The following ABCD3 variants were observed in gnomAD, a reference collection of about 807,000 sequenced individuals.
ABCD3 encodes ATP-binding cassette sub-family D member 3.
A neutral mutation model predicts 105.5 loss-of-function variants in ABCD3; 41 were observed. The observed-to-expected ratio is 0.39, with a 90% CI of 0.30 to 0.50. The LOEUF (loss-of-function observed/expected upper bound fraction) is 0.50. ABCD3 is among the 20% of genes least tolerant of loss of function. ABCD3 has a pLI of 0.84. For missense variants in ABCD3, 622 were observed against 806.3 expected, an observed-to-expected ratio of 0.77 and a Z score of 2.77; for synonymous variants, 258 against 269.0, an observed-to-expected ratio of 0.96 and a Z score of 0.40.
At chr1:94,476,504 G>A (rs996266086) in intron 7 of ABCD3, among the ~76,000 whole-genome samples, 99 of 152,284 alleles carry the variant, frequency 6.5e-4, no homozygotes, top group African/African-American at 2.2e-3. Context: ...TTCCCTTGGT[G>A]TTGGCTAGGA....
intron 10 of ABCD3, among the ~76,000 whole-genome samples, chr1:94,485,152 A>G (rs1387751243): frequency 1.3e-5 from 2 of 152,204 alleles, no homozygotes; most frequent in Admixed American, 6.5e-5. Flanking sequence ...GAATATAAGC[A>G]TTGTTTCTTG....
At chr1:94,429,507 G>T (rs61772847) in intron 1 of ABCD3, among the ~76,000 whole-genome samples, 54,845 of 151,972 alleles carry the variant, frequency 0.36, 11,443 homozygotes, top group Middle Eastern at 0.55. Context: ...TCCGTCCCAG[G>T]GTCCCTTTGC....
rs946063234 is a variant in ABCD3, at chr1:94,490,308, A to G, written c.1322+333A>G. Among the ~76,000 whole-genome samples, 23 of 151,960 alleles carry G rather than the reference A, an allele frequency of 1.5e-4. 1 individual carries two copies. The highest frequency in any genetic ancestry group is 5.3e-4 in the African/African-American group (22 of 41,404). On this transcript the variant is annotated intron_variant, in intron 15 of 22. Coordinates refer to ENST00000370214, the MANE Select transcript of ABCD3 (RefSeq NM_002858.4). Reference sequence around the variant, plus strand: ...TCAGGTATACAATATAGTATTTTCTACTATTGTCCCAGTACAGTGGATCTA... The same window carrying G: ...TCAGGTATACAATATAGTATTTTCTGCTATTGTCCCAGTACAGTGGATCTA...
chr1:94,434,888 G>C (rs986764934), intron 1 of ABCD3, among the ~76,000 whole-genome samples: 1 of 152,034 alleles, frequency 6.6e-6, no homozygotes, highest in Admixed American at 6.6e-5. Context: ...TTGCTATCCT[G>C]ACTTCTGTAT....
At chr1:94,465,513 T>C (rs1570779971) in intron 3 of ABCD3, among the ~76,000 whole-genome samples, 7 of 152,340 alleles carry the variant, frequency 4.6e-5, no homozygotes, top group African/African-American at 1.7e-4. Flanking sequence ...TGTGAAATGC[T>C]AGGGTACTGC....
chr1:94,458,921 C>A (rs924587896), intron 2 of ABCD3, among the ~76,000 whole-genome samples: 1 of 149,358 alleles, frequency 6.7e-6, no homozygotes, highest in African/African-American at 2.5e-5. Context: ...TCTTTTGTAT[C>A]GAGATATATC....
intron 20 of ABCD3, among the ~76,000 whole-genome samples, chr1:94,500,899 T>A (rs373248709): frequency 6.6e-6 from 1 of 152,110 alleles, no homozygotes; most frequent in Non-Finnish European, 1.5e-5. Context: ...TTTGAAATGA[T>A]TAGGCATTTC....
At chr1:94,423,894 A>G (rs1423838749) in intron 1 of ABCD3, among the ~76,000 whole-genome samples, 2 of 152,152 alleles carry the variant, frequency 1.3e-5, no homozygotes, top group Non-Finnish European at 2.9e-5. Context: ...TGCCCCATTC[A>G]AATCAAGCTC....
the ABCD3 span, among the ~76,000 whole-genome samples, chr1:94,391,745 C>A: frequency 6.6e-6 from 1 of 152,270 alleles, no homozygotes; most frequent in South Asian, 2.1e-4. Context: ...TTTTTACCTC[C>A]TTGAATCTTT....
intron 1 of ABCD3, among the ~76,000 whole-genome samples, chr1:94,439,607 GGC>G (rs1415426529): frequency 6.6e-6 from 1 of 151,966 alleles, no homozygotes; most frequent in Non-Finnish European, 1.5e-5. Flanking sequence ...CTCCAGCCTG[GGC>G]AACAGAGCGA....
At chr1:94,432,372 G>C (rs1659716024) in intron 1 of ABCD3, among the ~76,000 whole-genome samples, 1 of 152,186 alleles carries the variant, frequency 6.6e-6, no homozygotes, top group South Asian at 2.1e-4. Flanking sequence ...AGGGGTAAAA[G>C]GCATTCCAGG....
chr1:94,430,946 G>A (rs1280524550), intron 1 of ABCD3, among the ~76,000 whole-genome samples: 1 of 152,176 alleles, frequency 6.6e-6, no homozygotes, highest in East Asian at 1.9e-4. Context: ...TATCATTAGT[G>A]TCATATTTTA....
chr1:94,431,901 C>G (rs1306596063), intron 1 of ABCD3, among the ~76,000 whole-genome samples: 1 of 152,168 alleles, frequency 6.6e-6, no homozygotes, highest in Non-Finnish European at 1.5e-5. Context: ...TTTACCCCAT[C>G]AACAGTGCCC....
chr1:94,386,116 A>G, the ABCD3 span, among the ~76,000 whole-genome samples: 36 of 152,114 alleles, frequency 2.4e-4, no homozygotes, highest in Non-Finnish European at 4.6e-4. Flanking sequence ...GAAAAAAAGA[A>G]ATTTCCCACA....
chr1:94,399,765 G>C, the ABCD3 span, among the ~76,000 whole-genome samples: 1 of 152,188 alleles, frequency 6.6e-6, no homozygotes, highest in South Asian at 2.1e-4. Flanking sequence ...CTCAGATGCC[G>C]CAGTGCTGCA....
In ABCD3 at chr1:94,517,239, A is replaced by C. The variant is rs1427793789; in HGVS notation, c.*110A>C. On this transcript the variant is annotated 3_prime_UTR_variant, in exon 23 of 23. Transcript: ENST00000370214. Reference sequence around the variant, plus strand: ...AGCTTAGTTTTTTTTAAAAAAAAAAACAAAGCAACAAATTAACTAGATACA... The same window carrying C: ...AGCTTAGTTTTTTTTAAAAAAAAAACCAAAGCAACAAATTAACTAGATACA... 4.9e-6 allele frequency: 4 copies of C among 818,598 alleles called. No individual in the cohort carries two copies. Among genetic ancestry groups the C allele is most frequent in the Non-Finnish European group, 8.2e-6 (4 of 489,076 alleles). The allele number at this position is 818,598 out of a possible 1,614,324, so 50.7% of individuals were successfully genotyped here.
the ABCD3 span, among the ~76,000 whole-genome samples, chr1:94,402,284 T>C: frequency 6.6e-6 from 1 of 152,362 alleles, no homozygotes; most frequent in East Asian, 1.9e-4. Flanking sequence ...AATTTTCTAT[T>C]TTCTAAACAA....
intron 3 of ABCD3, among the ~76,000 whole-genome samples, chr1:94,465,390 A>G (rs1296557027): frequency 6.6e-6 from 1 of 152,216 alleles, no homozygotes; most frequent in Non-Finnish European, 1.5e-5. Context: ...TAGGTCAAGA[A>G]GATTACTAAA....
chr1:94,426,033 C>T (rs1659454545), intron 1 of ABCD3, among the ~76,000 whole-genome samples: 1 of 152,106 alleles, frequency 6.6e-6, no homozygotes, highest in Non-Finnish European at 1.5e-5. Context: ...ACCCAGTGCT[C>T]AGTAAATAAA....
Sources: allele counts gnomAD v4.1 joint callset (sites outside exome capture counted in the v4.1 genomes callset), GRCh38; gene constraint gnomAD v4.1.1; transcripts MANE v1.5; gene names NCBI Gene and HGNC (gene_info 2026-07-23, HGNC 2026-07-21).